The following CDK17 variants were observed in gnomAD, a reference collection of about 807,000 sequenced individuals.
CDK17 encodes the protein cyclin dependent kinase 17.
A neutral mutation model predicts 77.6 loss-of-function variants in CDK17; 24 were observed. That is an observed-to-expected ratio of 0.31 (90% CI 0.22 to 0.44). The LOEUF (loss-of-function observed/expected upper bound fraction) is 0.44, where lower values mean the gene tolerates loss of function less well. Among genes scored for constraint, CDK17 ranks in the 20% least tolerant of loss-of-function variants. The probability of loss-of-function intolerance (pLI) is 1.00; values close to 1 mark genes in which losing one functional copy is unlikely to be tolerated. For synonymous variants in CDK17, 203 were observed against 210.4 expected, an observed-to-expected ratio of 0.96 and a Z score of 0.30; for missense variants, 429 against 622.5, an observed-to-expected ratio of 0.69 and a Z score of 3.31.
intron 7 of CDK17, among the ~76,000 whole-genome samples, chr12:96,297,952 C>A (rs560776133): frequency 2.3e-4 from 34 of 150,694 alleles, no homozygotes; most frequent in Non-Finnish European, 3.7e-4. Context: ...AAAAAAGATT[C>A]TCTTAAGTTT....
intron 3 of CDK17, among the ~76,000 whole-genome samples, chr12:96,318,007 T>A (rs376206272): frequency 6.6e-6 from 1 of 152,002 alleles, no homozygotes; most frequent in African/African-American, 2.4e-5. Context: ...GACTGGCAAG[T>A]TGGATAAAGA....
chr12:96,389,939 C>T (rs1258292900), intron 1 of CDK17, among the ~76,000 whole-genome samples: 1 of 151,202 alleles, frequency 6.6e-6, no homozygotes, highest in Non-Finnish European at 1.5e-5. Flanking sequence ...AAGAGATTCT[C>T]CTGCCTCAGC....
chr12:96,357,682 C>T (rs1261983079), intron 1 of CDK17, among the ~76,000 whole-genome samples: 1 of 152,156 alleles, frequency 6.6e-6, no homozygotes, highest in Non-Finnish European at 1.5e-5. Context: ...AGAGGTTACA[C>T]CTCTGGGTTG....
intron 1 of CDK17, among the ~76,000 whole-genome samples, chr12:96,339,301 C>T (rs1009068904): frequency 7.9e-5 from 12 of 151,970 alleles, no homozygotes; most frequent in Admixed American, 1.3e-4. Context: ...TTGAAAAGTA[C>T]GTAGTCCAAA....
chr12:96,297,024 C>A (rs1368665519), intron 9 of CDK17, among the ~76,000 whole-genome samples: 1 of 151,770 alleles, frequency 6.6e-6, no homozygotes, highest in African/African-American at 2.4e-5. Context: ...TATATTAGGA[C>A]AATCAGTTGT....
intron 1 of CDK17, chr12:96,386,853 C>T: frequency 5.9e-6 from 1 of 169,044 alleles, no homozygotes; most frequent in Non-Finnish European, 1.3e-5. Context: ...GACCCCCTCT[C>T]CCTCTGCCAT....
chr12:96,374,312 G>A (rs896613750), intron 1 of CDK17, among the ~76,000 whole-genome samples: 2 of 152,152 alleles, frequency 1.3e-5, no homozygotes, highest in African/African-American at 4.8e-5. Context: ...GTGAACAGCC[G>A]TTATTTTGTA....
rs1465686754 is a variant in CDK17, at chr12:96,297,629, G to C, written c.808C>G (p.Leu270Val). 1 of 1,554,194 alleles carries C rather than the reference G, an allele frequency of 6.4e-7. No homozygotes were observed. The highest frequency in any genetic ancestry group is 1.1e-5 in the South Asian group (1 of 88,496). Residue 270 changes from leucine (L) to valine (V), a missense_variant and splice_region_variant, in exon 8 of 17, where the codon CTG (leucine) becomes GTG (valine). Leu to Val is a conservative substitution (Grantham distance 32). Around this residue, in one of 4 missense-constraint regions of CDK17, gnomAD observed 262 missense variants for 385.4 expected, o/e 0.68. Transcript: ENST00000261211. The part of the protein sequence containing the change: ...DKSLTLVFEY[L>V]DKDLKQYMDD... ...CTGAATTTTTATGAGATGCTTACCA[G>C]ATACTCAAACACCAAAGTCAAGGAT...
intron 8 of CDK17, 86 bp from the exon 9 acceptor site, chr12:96,297,418 T>C (rs1332013140): frequency 5.3e-6 from 5 of 941,160 alleles, no homozygotes; most frequent in Non-Finnish European, 6.6e-6. Flanking sequence ...TCAAAATTAG[T>C]TGTTTTTCAA....
At chr12:96,388,821 G>A (rs555279543) in intron 1 of CDK17, among the ~76,000 whole-genome samples, 32 of 152,166 alleles carry the variant, frequency 2.1e-4, no homozygotes, top group African/African-American at 7.2e-4. Context: ...GGAGGCCTCG[G>A]GAAGCTTTTA....
At chr12:96,283,288 C>A (rs999260314) in intron 14 of CDK17, among the ~76,000 whole-genome samples, 5 of 152,086 alleles carry the variant, frequency 3.3e-5, no homozygotes, top group African/African-American at 7.2e-5. Flanking sequence ...GGCAGAGCAT[C>A]CTCCAAAGGC....
intron 13 of CDK17, among the ~76,000 whole-genome samples, chr12:96,283,951 A>G (rs1409855306): frequency 1.3e-5 from 2 of 152,244 alleles, no homozygotes; most frequent in African/African-American, 4.8e-5. Flanking sequence ...GAAAGCTTAC[A>G]TATTGTATCA....
intron 3 of CDK17, among the ~76,000 whole-genome samples, chr12:96,320,454 C>T (rs1296748100): frequency 1.3e-5 from 2 of 149,960 alleles, no homozygotes; most frequent in Admixed American, 6.6e-5. Context: ...TTGGGAAAAA[C>T]TACTTTAAAG....
At chr12:96,332,252 T>A (rs572527037) in intron 2 of CDK17, among the ~76,000 whole-genome samples, 1 of 152,316 alleles carries the variant, frequency 6.6e-6, no homozygotes, top group East Asian at 1.9e-4. Context: ...TGCACAATGA[T>A]GAAATGGCCT....
In CDK17 at chr12:96,295,108, T is replaced by C. The variant is rs754301368; in HGVS notation, c.888A>G (p.Gln296=). Residue 296 remains glutamine (Q), a synonymous_variant, in exon 10 of 17, where the codon CAA becomes CAG. Transcript: ENST00000261211. ...GGCAATATGCCAAACCACGTAGAAT[T>C]TGGTACAGAAACAGCTACAGAAACA... ...SMHNVKLFLY[Q]ILRGLAYCHR... 22 of 1,606,432 alleles carry C rather than the reference T, an allele frequency of 1.4e-5. 1 individual carries two copies. The Middle Eastern group carries it at 5.0e-4, about 36-fold the overall frequency.
rs193132391 is a variant in CDK17 at position 96,298,659 on chromosome 12, T to C, written c.715+210A>G. On this transcript the variant is annotated intron_variant, in intron 7 of 16. Transcript: ENST00000261211. Reference sequence around the variant, plus strand: ...CCCTATGACAAATAGTTGTCTATGATAGTGATTTTTAATGAATTCAGATTT... The same window carrying C: ...CCCTATGACAAATAGTTGTCTATGACAGTGATTTTTAATGAATTCAGATTT... Among the ~76,000 whole-genome samples the C allele has an allele frequency of 6.6e-5, 10 of 152,354 alleles. No individual in the cohort carries two copies. In the East Asian group the frequency reaches 1.5e-3, roughly 23 times the overall value.
intron 1 of CDK17, among the ~76,000 whole-genome samples, chr12:96,385,767 C>A (rs1237415090): frequency 1.3e-5 from 2 of 152,070 alleles, no homozygotes; most frequent in African/African-American, 2.4e-5. Flanking sequence ...TATACATTCT[C>A]ACATTTTAAA....
intron 1 of CDK17, among the ~76,000 whole-genome samples, chr12:96,393,856 T>C (rs565714002): frequency 2.0e-5 from 3 of 152,302 alleles, no homozygotes; most frequent in East Asian, 3.8e-4. Context: ...AAAATGTTTA[T>C]TCTAAAATAA....
intron 1 of CDK17, among the ~76,000 whole-genome samples, chr12:96,374,737 G>C (rs1953751117): frequency 6.6e-6 from 1 of 152,158 alleles, no homozygotes; most frequent in Non-Finnish European, 1.5e-5. Flanking sequence ...GTTCAGATGG[G>C]CTGAATACCA....
Sources: allele counts gnomAD v4.1 joint callset (sites outside exome capture counted in the v4.1 genomes callset), GRCh38; gene constraint gnomAD v4.1.1; regional missense constraint gnomAD v4.1.1; transcripts MANE v1.5; gene names NCBI Gene and HGNC (gene_info 2026-07-23, HGNC 2026-07-21).